ZBTB4: variants seen among roughly 807,000 people sequenced by gnomAD.
ZBTB4 encodes zinc finger and BTB domain-containing protein 4.
A neutral mutation model predicts 59.8 loss-of-function variants in ZBTB4; 14 were observed. The ratio of observed to expected loss-of-function variants is 0.23; its 90% CI spans 0.15 to 0.37. The LOEUF is 0.37. Ranked by LOEUF, ZBTB4 falls within the 10% of genes least tolerant of loss-of-function variation. ZBTB4 has a pLI of 1.00. For synonymous variants in ZBTB4, 587 were observed against 575.2 expected (o/e 1.02, Z -0.29); for missense variants, 1,198 against 1,380.8 (o/e 0.87, Z 2.10).
rs762938219 is a variant in ZBTB4, at chr17:7,466,376, G to A, written c.426C>T (p.Phe142=). Residue 142 remains phenylalanine, a synonymous_variant, in exon 3 of 4, where the codon TTC becomes TTT. Transcript: ENST00000380599. This position sits in a 1 kb window ranked among gnomAD's most constrained non-coding sequence, Gnocchi z 9.1. ...PAAAFSDVLN[F]IYSARLALPG... is the part of the protein sequence containing the mutation. ...GCAGTGCGAGCCGGGCGCTGTAGAT[G>A]AAGTTGAGGACATCAGAAAACGCAG... is the stretch of plus-strand genomic sequence containing the variant. The A allele has an allele frequency of 3.1e-6, 5 of 1,613,982 alleles. No individual in the cohort carries two copies. In the South Asian group the frequency reaches 3.3e-5, roughly 11 times the overall value.
upstream of ZBTB4, among the ~76,000 whole-genome samples, chr17:7,479,979 G>A (rs566776291): frequency 1.1e-4 from 16 of 152,124 alleles, no homozygotes; most frequent in African/African-American, 3.9e-4. Context: ...GGCTCTCAGG[G>A]TGCAGACATG....
At chr17:7,465,471 A>AG (rs1044192458) in intron 3 of ZBTB4, among the ~76,000 whole-genome samples, 11 of 152,104 alleles carry the variant, frequency 7.2e-5, no homozygotes, top group Admixed American at 6.5e-4. Context: ...CTCAAAAAAA[A>AG]AAAAAAAAAG....
chr17:7,482,760 T>C, upstream of ZBTB4: 1 of 1,611,976 alleles, frequency 6.2e-7, no homozygotes, highest in Non-Finnish European at 8.5e-7. Flanking sequence ...GTGGGGGCAG[T>C]GGGGATCCTC....
intron 3 of ZBTB4, 66 bp from the exon 4 acceptor site, chr17:7,463,956 C>A (rs1406822234): frequency 3.9e-6 from 6 of 1,546,148 alleles, no homozygotes; most frequent in Non-Finnish European, 5.2e-6. Context: ...CTGAAGCCTC[C>A]CAGGTCCTCC....
In ZBTB4 at chr17:7,465,965, T is replaced by C; in HGVS notation, c.837A>G (p.Ala279=). ...GAGGCAGGGCTGAGGCGTCCACCCC[T>C]GCAGGACCACCAGGGCCAGCGCCCC... is the stretch of plus-strand genomic sequence containing the variant. ...GAGGAGPGGP[A]GVDASALPPP... is the part of the protein sequence containing the mutation. Residue 279 remains alanine (A), a synonymous_variant, in exon 3 of 4, where the codon GCA becomes GCG. Transcript: ENST00000380599. The C allele has an allele frequency of 1.2e-6, 2 of 1,601,702 alleles. No individual in the cohort carries two copies. Among genetic ancestry groups the C allele is most frequent in the East Asian group, 2.2e-5 (1 of 44,616 alleles).
rs2070053807 is a variant in ZBTB4 at position 7,463,053 on chromosome 17, CTCCTCCTCTTCG to C, written c.1917_1928del (p.Asp639_Glu642del). On this transcript the variant is annotated inframe_deletion, in exon 4 of 4. Coordinates refer to ENST00000380599, the MANE Select transcript of ZBTB4 (RefSeq NM_001128833.2). The stretch of plus-strand genomic sequence containing the variant: ...CATCCTCCTCCTCCTCCTCTTCGTC[CTCCTCCTCTTCG>C]TCCTCCTCACTCTCCTCCATCTCCT... The C allele has an allele frequency of 5.0e-6, 8 of 1,610,976 alleles. No individual in the cohort carries two copies. The East Asian group carries it at 1.6e-4, about 31-fold the overall frequency.
chr17:7,472,250 G>C (rs2070207966), intron 1 of ZBTB4, among the ~76,000 whole-genome samples: 2 of 151,992 alleles, frequency 1.3e-5, no homozygotes, highest in African/African-American at 4.8e-5. Flanking sequence ...GAGTGCAGTG[G>C]TGCGATCTGG....
chr17:7,476,187 C>T (rs893662776), intron 1 of ZBTB4, among the ~76,000 whole-genome samples: 14 of 152,196 alleles, frequency 9.2e-5, no homozygotes, highest in Admixed American at 2.6e-4. Context: ...TGAGGGTCAA[C>T]GTCCCTAACC....
chr17:7,469,256 T>A (rs1397373714), intron 1 of ZBTB4, among the ~76,000 whole-genome samples: 1 of 152,108 alleles, frequency 6.6e-6, no homozygotes, highest in African/African-American at 2.4e-5. Context: ...AACCCCCGCC[T>A]CCTAGGTTCA....
Position 7,462,317 on chromosome 17 carries a change from C to T in ZBTB4, c.2665G>A (p.Gly889Ser). Residue 889 changes from glycine to serine, a missense_variant, in exon 4 of 4, where the codon GGC becomes AGC. Physicochemically the swap from Gly to Ser is moderately conservative, Grantham distance 56. Around this residue, in one of 9 missense-constraint regions of ZBTB4, gnomAD observed 211 missense variants for 236.1 expected, o/e 0.89. Transcript: ENST00000380599. The surrounding 1 kb of genome is among the most constrained non-coding windows in gnomAD (Gnocchi z 7.5). ...CCTTCACTCCCAGATTTTCCCCTGCCACCGCCAGGTTCCCGGCCGCCCCCA... is the reference window on the plus strand; with the variant it reads ...CCTTCACTCCCAGATTTTCCCCTGCTACCGCCAGGTTCCCGGCCGCCCCCA... ...LIGGGREPGG[G>S]RGKSGSEGPV... 6 of 1,613,902 alleles carry T rather than the reference C, an allele frequency of 3.7e-6. No individual in the cohort carries two copies. The highest frequency in any genetic ancestry group is 5.1e-6 in the Non-Finnish European group (6 of 1,179,936).
rs563476738 is a variant in ZBTB4, at chr17:7,471,191, T to A, written c.-80-3864A>T. The stretch of plus-strand genomic sequence containing the variant: ...TGTAGCTGCCATTTATGAAAAAAAT[T>A]TTTTTTTTTTGAGACAGGGTCTCAT... On this transcript the variant is annotated intron_variant, in intron 1 of 3. Coordinates refer to ENST00000380599, the MANE Select transcript of ZBTB4 (RefSeq NM_001128833.2). 5.1e-3 allele frequency among the ~76,000 whole-genome samples: 774 copies of A among 151,616 alleles called. 3 individuals carry two copies. Among genetic ancestry groups the A allele is most frequent in the Middle Eastern group, 6.8e-3 (2 of 294 alleles).
chr17:7,473,189 T>A (rs2070223548), intron 1 of ZBTB4, among the ~76,000 whole-genome samples: 1 of 149,206 alleles, frequency 6.7e-6, no homozygotes, highest in South Asian at 2.1e-4. Flanking sequence ...CTTGGCTCAC[T>A]GCAAGCTCCG....
intron 1 of ZBTB4, among the ~76,000 whole-genome samples, chr17:7,473,407 G>A (rs1306981283): frequency 2.0e-5 from 3 of 151,946 alleles, no homozygotes; most frequent in African/African-American, 4.8e-5. Context: ...GAGCCACCGC[G>A]CCTGGCCAGG....
In ZBTB4 at chr17:7,466,060, G is replaced by A. The variant is rs767196166; in HGVS notation, c.742C>T (p.Arg248Trp). The part of the protein sequence containing the change: ...QCGKSFIHPK[R>W]LQTHEAQCRR... ...CACTGGGCCTCATGGGTCTGCAGCC[G>A]TTTGGGATGGATGAAGCTTTTTCCA... The change falls in exon 3 of 4, where the codon CGG becomes TGG. Residue 248 changes from arginine (R) to tryptophan (W), a missense_variant. Arg to Trp is a moderately radical substitution (Grantham distance 101). Around this residue, in one of 9 missense-constraint regions of ZBTB4, gnomAD observed 204 missense variants for 205.5 expected, o/e 0.99. Coordinates refer to ENST00000380599, the MANE Select transcript of ZBTB4 (RefSeq NM_001128833.2). The surrounding 1 kb of genome is among the most constrained non-coding windows in gnomAD (Gnocchi z 9.1). 6 of 1,607,330 alleles carry A rather than the reference G, an allele frequency of 3.7e-6. No individual in the cohort carries two copies. The highest frequency in any genetic ancestry group is 2.2e-5 in the South Asian group (2 of 90,714).
upstream of ZBTB4, chr17:7,481,963 C>T: frequency 6.4e-7 from 1 of 1,567,494 alleles, no homozygotes; most frequent in Non-Finnish European, 8.6e-7. Context: ...CTGCTGTCTA[C>T]CCTGAGCTCC....
chr17:7,462,394 C>T lies in ZBTB4; in HGVS notation c.2588G>A (p.Ser863Asn). 1 of 1,613,974 alleles carries T rather than the reference C, an allele frequency of 6.2e-7. No individual in the cohort carries two copies. The change falls in exon 4 of 4, where the codon AGC (serine) becomes AAC (asparagine). Residue 863 changes from serine (S) to asparagine (N), a missense_variant. Around this residue, in one of 9 missense-constraint regions of ZBTB4, gnomAD observed 211 missense variants for 236.1 expected, o/e 0.89. Transcript: ENST00000380599. The surrounding 1 kb of genome is among the most constrained non-coding windows in gnomAD (Gnocchi z 7.5). ...AGGTGGGTATACATAGCTGCCCCCG[C>T]TTGCCACTACTGGGGGCTCCTCACC... ...SGGEEPPVVA[S>N]GGSYVYPPVQ...
Position 7,462,131 on chromosome 17 carries a change from C to T in ZBTB4, c.2851G>A (p.Val951Ile). ...CCCGCACCCTTCTCATCAGGTAGGA[C>T]CATGTTGAGAGCAACCGGGAGAGCG... ...LAALPVALNM[V>I]LPDEKGAGAL... Residue 951 changes from valine (V) to isoleucine (I), a missense_variant, in exon 4 of 4, where the codon GTC (valine) becomes ATC (isoleucine). Around this residue, in one of 9 missense-constraint regions of ZBTB4, gnomAD observed 211 missense variants for 236.1 expected, o/e 0.89. Coordinates refer to ENST00000380599, the MANE Select transcript of ZBTB4 (RefSeq NM_001128833.2). The surrounding 1 kb of genome is among the most constrained non-coding windows in gnomAD (Gnocchi z 7.5). The T allele has an allele frequency of 6.2e-7, 1 of 1,613,662 alleles. No individual in the cohort carries two copies. Among genetic ancestry groups the T allele is most frequent in the Non-Finnish European group, 8.5e-7 (1 of 1,179,794 alleles).
Position 7,462,916 on chromosome 17 carries a change from A to G in ZBTB4, c.2066T>C (p.Leu689Pro). 1 of 1,609,386 alleles carries G rather than the reference A, an allele frequency of 6.2e-7. No homozygotes were observed. The highest frequency in any genetic ancestry group is 1.3e-5 in the African/African-American group (1 of 75,040). Residue 689 changes from leucine to proline, a missense_variant, in exon 4 of 4, where the codon CTG becomes CCG. Physicochemically the swap from Leu to Pro is moderately conservative, Grantham distance 98 (BLOSUM62 -3). Transcript: ENST00000380599. This position sits in a 1 kb window ranked among gnomAD's most constrained non-coding sequence, Gnocchi z 7.5. ...AGGASVGGSGLPRGRRPPRWR... is the reference protein window; with the variant it reads ...AGGASVGGSGPPRGRRPPRWR... ...ACGTGGTGGCCGGCGGCCTCGGGGC[A>G]GCCCACTGCCCCCCACACTGGCACC...
upstream of ZBTB4, chr17:7,482,873 C>T: frequency 6.2e-7 from 1 of 1,611,992 alleles, no homozygotes; most frequent in Non-Finnish European, 8.5e-7. Flanking sequence ...CCTTATACTG[C>T]AGTATTATAT....
Sources: gnomAD v4.1 joint callset for allele counts (sites outside exome capture counted in the v4.1 genomes callset) on GRCh38, gnomAD v4.1.1 for gene constraint, gnomAD v4.1.1 regional missense constraint, Gnocchi (gnomAD v3.1) non-coding constraint, MANE v1.5 for transcripts, NCBI Gene and HGNC (gene_info 2026-07-23, HGNC 2026-07-21) for gene names.